The following PPIC variants were observed in gnomAD, a reference collection of about 807,000 sequenced individuals.
PPIC encodes peptidylprolyl isomerase C, also known as peptidyl-prolyl cis-trans isomerase C.
PPIC carries 19 observed loss-of-function variants against 19.5 expected under a neutral mutation model. The ratio of observed to expected loss-of-function variants is 0.98; its 90% CI spans 0.68 to 1.43. PPIC has a LOEUF of 1.43. PPIC is among the 40% of genes most tolerant of loss of function. PPIC has a pLI of 0.00. For missense variants in PPIC, 268 were observed against 268.6 expected, an observed-to-expected ratio of 1.00 and a Z score of 0.02; for synonymous variants, 107 against 101.2, an observed-to-expected ratio of 1.06 and a Z score of -0.34.
At chr5:123,026,428 C>G (rs760778755) in intron 3 of PPIC, among the ~76,000 whole-genome samples, 6 of 152,158 alleles carry the variant, frequency 3.9e-5, no homozygotes, top group Non-Finnish European at 8.8e-5. Flanking sequence ...CCAGGATGCA[C>G]CAAGCATTCA....
chr5:123,025,958 G>A lies in PPIC; in HGVS notation c.336C>T (p.Ile112=), dbSNP rs1215077450. ...TTGDGTGGVS[I]YGETFPDENF... ...TCTCATCTGGAAATGTCTCACCATAGATGCTCACACCTGAGACAAAACAAG... is the reference window on the plus strand; with the variant it reads ...TCTCATCTGGAAATGTCTCACCATAAATGCTCACACCTGAGACAAAACAAG... The change falls in exon 4 of 5, where the codon ATC becomes ATT. Residue 112 remains isoleucine, a synonymous_variant. Transcript: ENST00000306442. The A allele has an allele frequency of 3.1e-6, 5 of 1,600,200 alleles. No individual in the cohort carries two copies. In the African/African-American group the frequency reaches 5.4e-5, roughly 17 times the overall value.
chr5:123,029,699 G>C (rs1762918718), intron 1 of PPIC, among the ~76,000 whole-genome samples: 1 of 152,092 alleles, frequency 6.6e-6, no homozygotes, highest in Admixed American at 6.5e-5. Context: ...GTCAGTGTTG[G>C]CCAATGAAGT....
At chr5:123,030,241 G>A (rs542571627) in intron 1 of PPIC, among the ~76,000 whole-genome samples, 53 of 152,294 alleles carry the variant, frequency 3.5e-4, no homozygotes, top group African/African-American at 1.1e-3. Context: ...AACCATAAAA[G>A]TTCTCTTGGA....
In PPIC at chr5:123,028,755, G is replaced by GA; in HGVS notation, c.325+19dup. The GA allele has an allele frequency of 6.3e-7, 1 of 1,591,108 alleles. No individual in the cohort carries two copies. The highest frequency in any genetic ancestry group is 8.6e-7 in the Non-Finnish European group (1 of 1,162,350). ...GATTTCGGTTTGGTAAATGGGAAAG[G>GA]AAAAATGCAAAGACGTTACCCCCAG... On this transcript the variant is annotated intron_variant, in intron 3 of 4. Coordinates refer to ENST00000306442, the MANE Select transcript of PPIC (RefSeq NM_000943.5).
Position 123,036,528 on chromosome 5 carries a change from C to T in PPIC, c.98G>A (p.Gly33Asp), listed in dbSNP as rs1475100932. The T allele has an allele frequency of 6.2e-7, 1 of 1,606,386 alleles. No individual in the cohort carries two copies. The highest frequency in any genetic ancestry group is 1.3e-5 in the African/African-American group (1 of 74,828). The change falls in exon 1 of 5, where the codon GGC becomes GAC. Residue 33 changes from glycine to aspartate, a missense_variant. Transcript: ENST00000306442. This position sits in a 1 kb window ranked among gnomAD's most constrained non-coding sequence, Gnocchi z 4.5. ...SSGAEGFRKRGPSVTAKVFFD... is the reference protein window; with the variant it reads ...SSGAEGFRKRDPSVTAKVFFD... Reference sequence around the variant, plus strand: ...GGTCACCTTGGCCGTCACCGAGGGGCCTCGCTTGCGGAAGCCCTCGGCCCC... The same window carrying T: ...GGTCACCTTGGCCGTCACCGAGGGGTCTCGCTTGCGGAAGCCCTCGGCCCC...
chr5:123,032,089 G>A (rs1762952379), intron 1 of PPIC, among the ~76,000 whole-genome samples: 1 of 152,206 alleles, frequency 6.6e-6, no homozygotes, highest in African/African-American at 2.4e-5. Flanking sequence ...GAGCCACAGC[G>A]CCCAGCCAGG....
chr5:123,027,854 C>T (rs1483244531), intron 3 of PPIC, among the ~76,000 whole-genome samples: 2 of 151,934 alleles, frequency 1.3e-5, no homozygotes. Flanking sequence ...GGTGTATGTT[C>T]AAGAAAAGAA....
Position 123,025,770 on chromosome 5 carries a change from A to G in PPIC, c.510+14T>C, listed in dbSNP as rs1026152690. ...AATATAAAGCTTTGAAAGGAAAAAA[A>G]TGTATCAATTTACCATCCCATCAAT... On this transcript the variant is annotated intron_variant, in intron 4 of 4. Transcript: ENST00000306442. The G allele has an allele frequency of 2.5e-6, 4 of 1,607,816 alleles. No homozygotes were observed. The African/African-American group carries it at 5.4e-5, about 22-fold the overall frequency.
At position 123,036,706 on chromosome 5, in the gene PPIC, T is replaced by A. The variant is rs1396906935; in HGVS notation, c.-81A>T. On this transcript the variant is annotated 5_prime_UTR_variant, in exon 1 of 5. Transcript: ENST00000306442. The surrounding 1 kb of genome is among the most constrained non-coding windows in gnomAD (Gnocchi z 4.5). The stretch of plus-strand genomic sequence containing the variant: ...CAGGCTCTGGGACAGCTGACGGGAC[T>A]GCCGGCCGGCTGCGCCTGCGCGCTC... 3.1e-6 allele frequency: 4 copies of A among 1,283,462 alleles called. No homozygotes were observed. In the African/African-American group the frequency reaches 4.6e-5, roughly 15 times the overall value. 79.5% of individuals were successfully genotyped at this position (1,283,462 alleles called of 1,614,324 possible).
intron 1 of PPIC, among the ~76,000 whole-genome samples, chr5:123,030,456 C>T (rs867776650): frequency 6.6e-6 from 1 of 151,984 alleles, no homozygotes; most frequent in Non-Finnish European, 1.5e-5. Flanking sequence ...AATATAAGAA[C>T]GGTTGTCAAA....
rs1175316123 is a variant in PPIC, at chr5:123,028,756, A to G, written c.325+19T>C. The G allele has an allele frequency of 1.9e-6, 3 of 1,590,730 alleles. No individual in the cohort carries two copies. The highest frequency in any genetic ancestry group is 1.7e-6 in the Non-Finnish European group (2 of 1,162,350). ...ATTTCGGTTTGGTAAATGGGAAAGGAAAAATGCAAAGACGTTACCCCCAGT... is the reference window on the plus strand; with the variant it reads ...ATTTCGGTTTGGTAAATGGGAAAGGGAAAATGCAAAGACGTTACCCCCAGT... On this transcript the variant is annotated intron_variant, in intron 3 of 4. Coordinates refer to ENST00000306442, the MANE Select transcript of PPIC (RefSeq NM_000943.5).
intron 1 of PPIC, among the ~76,000 whole-genome samples, chr5:123,035,771 A>G (rs1762998595): frequency 6.6e-6 from 1 of 152,212 alleles, no homozygotes; most frequent in African/African-American, 2.4e-5. Flanking sequence ...CGCTGAAAAA[A>G]GAACTGAAGC....
intron 1 of PPIC, among the ~76,000 whole-genome samples, chr5:123,032,509 T>C (rs1455151047): frequency 6.6e-6 from 1 of 152,094 alleles, no homozygotes; most frequent in Non-Finnish European, 1.5e-5. Context: ...TGTCAAATGA[T>C]ACTCAAGGAG....
chr5:123,036,542 G>A lies in PPIC; in HGVS notation c.84C>T (p.Gly28=). 1 of 1,605,356 alleles carries A rather than the reference G, an allele frequency of 6.2e-7. No individual in the cohort carries two copies. The highest frequency in any genetic ancestry group is 8.5e-7 in the Non-Finnish European group (1 of 1,177,342). Residue 28 remains glycine, a synonymous_variant, in exon 1 of 5, where the codon GGC becomes GGT. Coordinates refer to ENST00000306442, the MANE Select transcript of PPIC (RefSeq NM_000943.5). This position sits in a 1 kb window ranked among gnomAD's most constrained non-coding sequence, Gnocchi z 4.5. ...TCACCGAGGGGCCTCGCTTGCGGAA[G>A]CCCTCGGCCCCCGAAGAAAACACAA... ...GALVFSSGAE[G]FRKRGPSVTA...
rs1763021491 is a variant in PPIC, at chr5:123,036,685, C to A, written c.-60G>T. The A allele has an allele frequency of 7.0e-7, 1 of 1,426,912 alleles. No homozygotes were observed. Among genetic ancestry groups the A allele is most frequent in the Non-Finnish European group, 9.6e-7 (1 of 1,045,362 alleles). The allele number at this position is 1,426,912 out of a possible 1,614,324, so 88.4% of individuals were successfully genotyped here. On this transcript the variant is annotated 5_prime_UTR_variant, in exon 1 of 5. Transcript: ENST00000306442. This position sits in a 1 kb window ranked among gnomAD's most constrained non-coding sequence, Gnocchi z 4.5. Reference sequence around the variant, plus strand: ...GCTACCGGCACGGGCGCGACACAGGCTCTGGGACAGCTGACGGGACTGCCG... The same window carrying A: ...GCTACCGGCACGGGCGCGACACAGGATCTGGGACAGCTGACGGGACTGCCG...
intron 1 of PPIC, among the ~76,000 whole-genome samples, chr5:123,031,733 C>T (rs1762944799): frequency 1.3e-5 from 2 of 152,116 alleles, no homozygotes; most frequent in African/African-American, 4.8e-5. Flanking sequence ...AGAATAAGGT[C>T]ATAATGGCCT....
Position 123,023,964 on chromosome 5 carries a change from G to T in PPIC, c.550C>A (p.His184Asn). Reference protein sequence around the residue: ...HSIELQATDGHDRPLTNCSII... With the variant: ...HSIELQATDGNDRPLTNCSII... The stretch of plus-strand genomic sequence containing the variant: ...GAGCAGTTGGTGAGTGGACGGTCAT[G>T]CCCATCAGTTGCTTGGAGCTCTATG... Residue 184 changes from histidine to asparagine, a missense_variant, in exon 5 of 5, where the codon CAT (histidine) becomes AAT (asparagine). Physicochemically the swap from His to Asn is moderately conservative, Grantham distance 68. Transcript: ENST00000306442. The T allele has an allele frequency of 6.2e-7, 1 of 1,614,078 alleles. No individual in the cohort carries two copies.
rs1161857283 is a variant in PPIC, at chr5:123,036,474, A to G, written c.117+35T>C. The stretch of plus-strand genomic sequence containing the variant: ...AAAGCGCCCCCAGGGCCCCGCCCGC[A>G]ACAGGGGAAGTTGCAGCCCGCCGCT... On this transcript the variant is annotated intron_variant, in intron 1 of 4. Transcript: ENST00000306442. This position sits in a 1 kb window ranked among gnomAD's most constrained non-coding sequence, Gnocchi z 4.5. The G allele has an allele frequency of 3.2e-6, 5 of 1,573,770 alleles. No homozygotes were observed. The highest frequency in any genetic ancestry group is 4.3e-6 in the Non-Finnish European group (5 of 1,152,426).
Position 123,036,583 on chromosome 5 carries a change from C to G in PPIC, c.43G>C (p.Val15Leu), listed in dbSNP as rs1398728676. ...PRLLLPLVLC[V>L]GLGALVFSSG... ...GAAAACACAAGTGCGCCGAGCCCCA[C>G]GCAAAGCACGAGAGGTAGCAGCAGC... is the stretch of plus-strand genomic sequence containing the variant. Residue 15 changes from valine to leucine, a missense_variant, in exon 1 of 5, where the codon GTG becomes CTG. Coordinates refer to ENST00000306442, the MANE Select transcript of PPIC (RefSeq NM_000943.5). The surrounding 1 kb of genome is among the most constrained non-coding windows in gnomAD (Gnocchi z 4.5). 1.3e-6 allele frequency: 2 copies of G among 1,598,754 alleles called. No individual in the cohort carries two copies. The highest frequency in any genetic ancestry group is 2.7e-5 in the African/African-American group (2 of 74,904).
Sources: allele counts gnomAD v4.1 joint callset (sites outside exome capture counted in the v4.1 genomes callset), GRCh38; gene constraint gnomAD v4.1.1; non-coding constraint Gnocchi (gnomAD v3.1); transcripts MANE v1.5; gene names NCBI Gene and HGNC (gene_info 2026-07-23, HGNC 2026-07-21).